DAB1: variants seen among roughly 807,000 people sequenced by gnomAD.
DAB1 encodes the protein disabled homolog 1.
Under a neutral mutation model 64.6 loss-of-function variants are expected in DAB1, and 15 were observed. That is an observed-to-expected ratio of 0.23 (90% CI 0.16 to 0.36). The LOEUF is 0.36. Ranked by LOEUF, DAB1 falls within the 10% of genes least tolerant of loss-of-function variation. The pLI, the probability that DAB1 is intolerant of heterozygous loss-of-function variation, is 1.00. For synonymous variants in DAB1, 235 were observed against 251.9 expected (o/e 0.93, Z 0.64); for missense variants, 596 against 706.7 (o/e 0.84, Z 1.78).
intron 1 of DAB1, among the ~76,000 whole-genome samples, chr1:57,871,914 C>T (rs1266658572): frequency 1.3e-5 from 2 of 152,070 alleles, no homozygotes; most frequent in African/African-American, 4.8e-5. Flanking sequence ...TTTATTTGTT[C>T]ATTCAACAGA....
Position 58,352,390 on chromosome 1 carries a change from C to T in DAB1, n.258-8987G>A, listed in dbSNP as rs557517475. On this transcript the variant is annotated intron_variant and non_coding_transcript_variant, in intron 3 of 20. Transcript: ENST00000485760. ...TAAATGTATATTGAATATTTTAAAA[C>T]GCTGATGAGGAAGTAGAATTAGTCA... Among the ~76,000 whole-genome samples the T allele has an allele frequency of 9.2e-5, 14 of 152,162 alleles. No homozygotes were observed. The South Asian group carries it at 1.0e-3, about 11-fold the overall frequency.
At chr1:57,071,669 A>G (rs1297518273) in intron 5 of DAB1, 28 bp from the exon 6 acceptor site, 2 of 1,609,316 alleles carry the variant, frequency 1.2e-6, no homozygotes, top group Non-Finnish European at 8.5e-7. Context: ...AAGGCACATC[A>G]TAAGGGAATG....
In DAB1 at chr1:58,515,303, C is replaced by T. The variant is rs568688150; in HGVS notation, n.108-9094G>A. On this transcript the variant is annotated intron_variant and non_coding_transcript_variant, in intron 2 of 20. Transcript: ENST00000485760. ...ACCAAGAGAAAACTTATCAAAAATA[C>T]TTCATGTGCTCCAACATAAAAATGA... 5.3e-5 allele frequency among the ~76,000 whole-genome samples: 8 copies of T among 152,280 alleles called. No homozygotes were observed. In the East Asian group the frequency reaches 1.3e-3, roughly 26 times the overall value.
chr1:57,216,315 A>T (rs1666426290), intron 2 of DAB1, among the ~76,000 whole-genome samples: 1 of 152,116 alleles, frequency 6.6e-6, no homozygotes, highest in Non-Finnish European at 1.5e-5. Context: ...GGCTTCCAGC[A>T]GGGTACCTTT....
chr1:58,040,092 G>T (rs1004002919), intron 5 of DAB1, among the ~76,000 whole-genome samples: 9 of 152,050 alleles, frequency 5.9e-5, no homozygotes, highest in Non-Finnish European at 1.2e-4. Context: ...AATTGATAGG[G>T]CACGATAGTA....
intron 6 of DAB1, among the ~76,000 whole-genome samples, chr1:57,726,109 T>A (rs116578702): frequency 0.011 from 1,716 of 152,344 alleles, 29 homozygotes; most frequent in African/African-American, 0.038. Flanking sequence ...CATGTTCTAG[T>A]TCTTGGAGAT....
At chr1:57,573,570 T>C (rs146227872) in intron 7 of DAB1, among the ~76,000 whole-genome samples, 9 of 152,294 alleles carry the variant, frequency 5.9e-5, no homozygotes, top group Middle Eastern at 3.4e-3. Context: ...TGTCTCTGAG[T>C]TTGGATATCA....
At chr1:57,067,389 C>A (rs985978102) in intron 8 of DAB1, among the ~76,000 whole-genome samples, 1 of 152,076 alleles carries the variant, frequency 6.6e-6, no homozygotes, top group Non-Finnish European at 1.5e-5. Context: ...GGGGCTCTAC[C>A]TATTGCTAGC....
intron 3 of DAB1, among the ~76,000 whole-genome samples, chr1:58,437,500 C>A (rs113152500): frequency 0.012 from 1,898 of 152,264 alleles, 48 homozygotes; most frequent in African/African-American, 0.043. Flanking sequence ...AGTGTCCCTT[C>A]ACCATCCCCC....
intron 4 of DAB1, among the ~76,000 whole-genome samples, chr1:57,099,665 T>C (rs1224039823): frequency 6.6e-6 from 1 of 152,212 alleles, no homozygotes; most frequent in African/African-American, 2.4e-5. Context: ...ATATAAACCC[T>C]GATGCAAGAG....
At chr1:58,023,421 C>T (rs1293713269) in intron 5 of DAB1, among the ~76,000 whole-genome samples, 1 of 152,134 alleles carries the variant, frequency 6.6e-6, no homozygotes, top group Non-Finnish European at 1.5e-5. Flanking sequence ...TAGTGGCTGG[C>T]TGCATTCCAG....
At chr1:57,029,429 T>A (rs890757801) in intron 9 of DAB1, among the ~76,000 whole-genome samples, 55 of 152,192 alleles carry the variant, frequency 3.6e-4, no homozygotes, top group African/African-American at 1.3e-3. Context: ...AGAGCCTCCA[T>A]ACAGAGTCCT....
intron 9 of DAB1, among the ~76,000 whole-genome samples, chr1:57,026,469 C>T (rs1646792778): frequency 6.6e-6 from 1 of 152,148 alleles, no homozygotes; most frequent in Admixed American, 6.5e-5. Flanking sequence ...ACTTCATGGT[C>T]ACGTCAGTAA....
At chr1:57,426,011 C>T (rs1373758386), upstream of DAB1, among the ~76,000 whole-genome samples, 1 of 152,108 alleles carries the variant, frequency 6.6e-6, no homozygotes, top group East Asian at 1.9e-4. Context: ...ATGGTCGAAA[C>T]AGGGGAAGGG....
chr1:57,478,091 C>T (rs1643962188), intron 7 of DAB1, among the ~76,000 whole-genome samples: 1 of 148,618 alleles, frequency 6.7e-6, no homozygotes, highest in Admixed American at 6.7e-5. Context: ...TGTGATGTTC[C>T]CCTTCCTTTG....
At chr1:58,026,788 A>G (rs1646901809) in intron 5 of DAB1, among the ~76,000 whole-genome samples, 1 of 152,200 alleles carries the variant, frequency 6.6e-6, no homozygotes, top group Non-Finnish European at 1.5e-5. Context: ...AGATTTGTGT[A>G]TATGCTCTGT....
intron 2 of DAB1, among the ~76,000 whole-genome samples, chr1:57,188,783 T>C (rs557445906): frequency 1.3e-5 from 2 of 152,236 alleles, no homozygotes; most frequent in Non-Finnish European, 2.9e-5. Flanking sequence ...TTCTTTGCTA[T>C]GCTTTCCACA....
At chr1:57,328,251 G>A (rs1676345263) in intron 1 of DAB1, among the ~76,000 whole-genome samples, 1 of 152,188 alleles carries the variant, frequency 6.6e-6, no homozygotes, top group Admixed American at 6.5e-5. Flanking sequence ...TAAGGAGAAT[G>A]GCTAGCGGCA....
At chr1:57,702,273 G>A (rs1646916572) in intron 6 of DAB1, among the ~76,000 whole-genome samples, 1 of 152,070 alleles carries the variant, frequency 6.6e-6, no homozygotes, top group Non-Finnish European at 1.5e-5. Flanking sequence ...TTACTTTGGT[G>A]CTGAGTATTT....
Sources: gnomAD v4.1 joint callset for allele counts (sites outside exome capture counted in the v4.1 genomes callset) on GRCh38, gnomAD v4.1.1 for gene constraint, MANE v1.5 for transcripts, NCBI Gene and HGNC (gene_info 2026-07-23, HGNC 2026-07-21) for gene names.